The following NRXN3 variants were observed in gnomAD, a reference collection of about 807,000 sequenced individuals.
NRXN3 encodes the protein neurexin III.
A neutral mutation model predicts 137.6 loss-of-function variants in NRXN3; 32 were observed. That is an observed-to-expected ratio of 0.23 (90% CI 0.18 to 0.31). NRXN3 has a LOEUF of 0.31. Ranked by LOEUF, NRXN3 falls within the 10% of genes least tolerant of loss-of-function variation. The probability of loss-of-function intolerance (pLI) is 1.00; values close to 1 mark genes in which losing one functional copy is unlikely to be tolerated. For synonymous variants in NRXN3, 798 were observed against 784.5 expected (o/e 1.02, Z -0.29); for missense variants, 1,574 against 2,062.5 (o/e 0.76, Z 4.59).
At chr14:79,032,855 G>A (rs1348782355) in intron 15 of NRXN3, among the ~76,000 whole-genome samples, 2 of 152,100 alleles carry the variant, frequency 1.3e-5, no homozygotes, top group Non-Finnish European at 2.9e-5. Flanking sequence ...TAATTTTACT[G>A]CTCTATGGTT....
chr14:79,187,430 A>G (rs2063669660), intron 15 of NRXN3, among the ~76,000 whole-genome samples: 1 of 152,180 alleles, frequency 6.6e-6, no homozygotes, highest in Non-Finnish European at 1.5e-5. Context: ...TAGCAGTTAT[A>G]GAAGAGGCAT....
chr14:78,902,277 A>T (rs1031688703), intron 10 of NRXN3, among the ~76,000 whole-genome samples: 1 of 152,076 alleles, frequency 6.6e-6, no homozygotes, highest in Non-Finnish European at 1.5e-5. Flanking sequence ...CCATGAAAGG[A>T]ATAGTTTCTA....
chr14:79,502,707 A>G (rs2096837747), intron 16 of NRXN3, among the ~76,000 whole-genome samples: 1 of 151,920 alleles, frequency 6.6e-6, no homozygotes, highest in Non-Finnish European at 1.5e-5. Context: ...TTGGTTTCTA[A>G]TGTTTTACCC....
At chr14:79,661,427 A>G (rs1427545594) in intron 16 of NRXN3, among the ~76,000 whole-genome samples, 4 of 152,174 alleles carry the variant, frequency 2.6e-5, no homozygotes, top group African/African-American at 4.8e-5. Flanking sequence ...AGACTTCTGC[A>G]TGACTTGTCC....
At chr14:79,154,807 T>C (rs1042135752) in intron 15 of NRXN3, among the ~76,000 whole-genome samples, 1 of 151,980 alleles carries the variant, frequency 6.6e-6, no homozygotes, top group Admixed American at 6.6e-5. Flanking sequence ...TGACTATTTT[T>C]ATGGTAATGA....
At chr14:78,830,775 T>C (rs1269213540) in intron 10 of NRXN3, among the ~76,000 whole-genome samples, 1 of 152,122 alleles carries the variant, frequency 6.6e-6, no homozygotes, top group East Asian at 1.9e-4. Flanking sequence ...GCAAATATTG[T>C]AAGGGAATAT....
rs879235767 is a variant in NRXN3 at position 79,862,347 on chromosome 14, A to ATAAC, written c.*385_*388dup. 1 of 168,054 alleles carries ATAAC rather than the reference A, an allele frequency of 6.0e-6. No homozygotes were observed. The highest frequency in any genetic ancestry group is 5.8e-5 in the Admixed American group (1 of 17,368). 10.4% of individuals were successfully genotyped at this position (168,054 alleles called of 1,614,324 possible). A position where few individuals can be genotyped will look rare whatever the true frequency, so the allele number is the denominator to read the frequency against. On this transcript the variant is annotated 3_prime_UTR_variant, in exon 21 of 21. Transcript: ENST00000335750. ...GAAGACTTCATGGCTTACTTGTTCCATAACTCCAAGTGAGTCTGTAATGTT... is the reference window on the plus strand; with the variant it reads ...GAAGACTTCATGGCTTACTTGTTCCATAACTAACTCCAAGTGAGTCTGTAATGTT...
chr14:79,118,016 G>T (rs2054754499), intron 15 of NRXN3, among the ~76,000 whole-genome samples: 1 of 152,210 alleles, frequency 6.6e-6, no homozygotes, highest in Admixed American at 6.5e-5. Context: ...TGTGCAAAGA[G>T]GCAGAACCAT....
At chr14:79,666,562 T>C (rs771924013) in intron 17 of NRXN3, among the ~76,000 whole-genome samples, 4 of 152,058 alleles carry the variant, frequency 2.6e-5, no homozygotes, top group Non-Finnish European at 5.9e-5. Context: ...TAAGGTCACA[T>C]AGCAAGTGAA....
chr14:79,210,607 G>A (rs914772998), intron 15 of NRXN3, among the ~76,000 whole-genome samples: 18 of 152,146 alleles, frequency 1.2e-4, no homozygotes, highest in Non-Finnish European at 2.4e-4. Flanking sequence ...TAAGAAAAAT[G>A]TCTACCGACT....
rs1555489568 is a variant in NRXN3 at position 78,778,678 on chromosome 14, T to TTTTCTTTTCTTTTC, written c.2045-24935_2045-24934insTCTTTTCTTTCTTT. On this transcript the variant is annotated intron_variant, in intron 8 of 20. Coordinates refer to ENST00000335750, the MANE Select transcript of NRXN3 (RefSeq NM_001330195.2). ...TCTTTTCCTTTTCTTTTCTCTTTTC[T>TTTTCTTTTCTTTTC]TTTCTTTCTTTCTTTCTTTCTTTCT... Among the ~76,000 whole-genome samples the TTTTCTTTTCTTTTC allele has an allele frequency of 3.5e-5, 4 of 114,524 alleles. No homozygotes were observed. In the South Asian group the frequency reaches 8.8e-4, roughly 25 times the overall value. The allele number at this position is 114,524 out of a possible 152,430, so 75.1% of individuals were successfully genotyped here. A position where few individuals can be genotyped will look rare whatever the true frequency, so the allele number is the denominator to read the frequency against.
At chr14:78,500,474 A>T (rs1401086047) in intron 4 of NRXN3, among the ~76,000 whole-genome samples, 1 of 152,146 alleles carries the variant, frequency 6.6e-6, no homozygotes, top group Non-Finnish European at 1.5e-5. Context: ...TTAAAGGAAC[A>T]CTGTGAAGAG....
At chr14:79,538,667 A>G (rs1419483780) in intron 16 of NRXN3, among the ~76,000 whole-genome samples, 1 of 152,138 alleles carries the variant, frequency 6.6e-6, no homozygotes, top group Admixed American at 6.5e-5. Context: ...AGTTTGCAAC[A>G]TTTTTCTCCC....
intron 16 of NRXN3, among the ~76,000 whole-genome samples, chr14:79,509,872 G>A (rs1485309343): frequency 1.3e-5 from 2 of 152,038 alleles, no homozygotes; most frequent in Non-Finnish European, 2.9e-5. Flanking sequence ...TGAACTGAAG[G>A]TTTTGGAAAA....
chr14:78,426,846 C>T (rs1172753902), intron 4 of NRXN3, among the ~76,000 whole-genome samples: 1 of 152,072 alleles, frequency 6.6e-6, no homozygotes, highest in Non-Finnish European at 1.5e-5. Context: ...GTAGTGTGTT[C>T]TGAACCCCAT....
chr14:78,415,309 G>C (rs2093069134), intron 4 of NRXN3, among the ~76,000 whole-genome samples: 2 of 152,168 alleles, frequency 1.3e-5, no homozygotes. Context: ...TCATGAAGAA[G>C]TTTCAGTTTT....
intron 4 of NRXN3, among the ~76,000 whole-genome samples, chr14:78,633,267 A>AAAAAAAAAAAGAG (rs1376443966): frequency 9.3e-5 from 14 of 150,132 alleles, no homozygotes; most frequent in African/African-American, 3.5e-4. Flanking sequence ...AAAAAAAAAA[A>AAAAAAAAAAAGAG]AGAGACTGGT....
chr14:78,357,149 A>G (rs763077615), intron 4 of NRXN3, among the ~76,000 whole-genome samples: 22 of 152,354 alleles, frequency 1.4e-4, no homozygotes, highest in Middle Eastern at 3.4e-3. Flanking sequence ...CAAAGGAAAG[A>G]GATTTAATGA....
intron 4 of NRXN3, among the ~76,000 whole-genome samples, chr14:78,527,852 ATTTTC>A (rs1232339079): frequency 1.3e-5 from 2 of 152,164 alleles, no homozygotes; most frequent in Non-Finnish European, 2.9e-5. Flanking sequence ...TGCCTTCCTT[ATTTTC>A]TTCTTAAAAA....
Sources: allele counts gnomAD v4.1 joint callset (sites outside exome capture counted in the v4.1 genomes callset), GRCh38; gene constraint gnomAD v4.1.1; transcripts MANE v1.5; gene names NCBI Gene and HGNC (gene_info 2026-07-23, HGNC 2026-07-21).